PRKCZ: variants seen among roughly 807,000 people sequenced by gnomAD.
PRKCZ encodes protein kinase C zeta, also known as protein kinase C zeta type.
PRKCZ carries 33 observed loss-of-function variants against 79.5 expected under a neutral mutation model. The observed-to-expected ratio is 0.41, with a 90% confidence interval of 0.31 to 0.55. PRKCZ has a LOEUF of 0.55. Among genes scored for constraint, PRKCZ ranks in the 20% least tolerant of loss-of-function variants. The pLI, the probability that PRKCZ is intolerant of heterozygous loss-of-function variation, is 0.19. For missense variants in PRKCZ, 578 were observed against 813.5 expected, an observed-to-expected ratio of 0.71 and a Z score of 3.52; for synonymous variants, 342 against 320.9, an observed-to-expected ratio of 1.07 and a Z score of -0.70.
At chr1:2,117,571 A>G (rs1670997184) in intron 4 of PRKCZ, among the ~76,000 whole-genome samples, 1 of 152,224 alleles carries the variant, frequency 6.6e-6, no homozygotes, top group African/African-American at 2.4e-5. Context: ...TGATCCTTCC[A>G]AAACAGTATG....
chr1:2,071,437 TG>T, intron 4 of PRKCZ: 1 of 323,820 alleles, frequency 3.1e-6, no homozygotes. Flanking sequence ...CCTCCAGGCC[TG>T]GGTGGGCGGG....
intron 16 of PRKCZ, chr1:2,182,097 C>G (rs1686721884): frequency 3.3e-6 from 1 of 301,736 alleles, no homozygotes; most frequent in South Asian, 2.6e-5. Context: ...CTAGTAGATG[C>G]CACGTTAGTA....
chr1:2,077,183 A>G (rs1263095813), intron 4 of PRKCZ, among the ~76,000 whole-genome samples: 1 of 152,240 alleles, frequency 6.6e-6, no homozygotes, highest in East Asian at 1.9e-4. Flanking sequence ...ACGCTCACGT[A>G]TCGGGCACAC....
At chr1:2,108,925 G>T (rs1265626532) in intron 4 of PRKCZ, among the ~76,000 whole-genome samples, 2 of 152,164 alleles carry the variant, frequency 1.3e-5, no homozygotes, top group Non-Finnish European at 2.9e-5. Flanking sequence ...GGGCTCCAGG[G>T]AGACCCCGTT....
chr1:2,124,842 G>A (rs1673558819), intron 4 of PRKCZ, among the ~76,000 whole-genome samples: 2 of 151,916 alleles, frequency 1.3e-5, no homozygotes, highest in African/African-American at 2.4e-5. Flanking sequence ...CTCTTCTGAC[G>A]CACTTGTCTG....
At chr1:2,087,452 G>A (rs1664720631) in intron 4 of PRKCZ, among the ~76,000 whole-genome samples, 1 of 152,192 alleles carries the variant, frequency 6.6e-6, no homozygotes, top group African/African-American at 2.4e-5. Flanking sequence ...ACAGCTGGCA[G>A]TGCAGCCCCA....
chr1:2,109,570 G>A (rs534567615), intron 4 of PRKCZ, among the ~76,000 whole-genome samples: 4 of 152,354 alleles, frequency 2.6e-5, no homozygotes, highest in South Asian at 2.1e-4. Flanking sequence ...GGCTGTGGGC[G>A]GAGGGGGTCA....
chr1:2,099,256 C>T (rs1427670517), intron 4 of PRKCZ, among the ~76,000 whole-genome samples: 4 of 152,322 alleles, frequency 2.6e-5, no homozygotes, highest in South Asian at 2.1e-4. Flanking sequence ...ATTTTCAGTG[C>T]GATGCAGCTG....
In PRKCZ at chr1:2,082,293, C is replaced by G. The variant is rs1343820989; in HGVS notation, c.334+22702C>G. ...CGTGGCACGATCACACGTGCAGGAG[C>G]TGGGGGCTGCCAGAGCGGCTGTTCA... is the stretch of plus-strand genomic sequence containing the variant. On this transcript the variant is annotated intron_variant, in intron 4 of 17. Transcript: ENST00000378567. The surrounding 1 kb of genome is among the most constrained non-coding windows in gnomAD (Gnocchi z 4.4). The G allele has an allele frequency of 2.3e-6, 1 of 442,468 alleles. No homozygotes were observed. Among genetic ancestry groups the G allele is most frequent in the Non-Finnish European group, 4.5e-6 (1 of 219,978 alleles). The allele number at this position is 442,468 out of a possible 1,614,324, so 27.4% of individuals were successfully genotyped here. A position where few individuals can be genotyped will look rare whatever the true frequency, so the allele number is the denominator to read the frequency against.
chr1:2,126,361 G>A (rs546465568), intron 4 of PRKCZ, among the ~76,000 whole-genome samples: 69 of 152,266 alleles, frequency 4.5e-4, no homozygotes, highest in African/African-American at 1.5e-3. Context: ...GGCAGGTGCC[G>A]CCCACAGGTT....
At chr1:2,156,889 G>T (rs1210088461) in intron 10 of PRKCZ, among the ~76,000 whole-genome samples, 3 of 152,194 alleles carry the variant, frequency 2.0e-5, no homozygotes, top group Non-Finnish European at 4.4e-5. Flanking sequence ...GTTAGTCAGG[G>T]TTCTCCTGAG....
chr1:2,053,730 C>T (rs1053708902), intron 1 of PRKCZ, among the ~76,000 whole-genome samples: 3 of 152,148 alleles, frequency 2.0e-5, no homozygotes, highest in East Asian at 1.9e-4. Context: ...AAGTGATGGC[C>T]GACTCCCACT....
At chr1:2,112,732 C>T (rs1311486347) in intron 4 of PRKCZ, among the ~76,000 whole-genome samples, 1 of 151,640 alleles carries the variant, frequency 6.6e-6, no homozygotes, top group Non-Finnish European at 1.5e-5. Context: ...TCTTGTCGCC[C>T]AGGCTGGAGT....
At chr1:2,131,470 A>G (rs1265144153) in intron 4 of PRKCZ, among the ~76,000 whole-genome samples, 1 of 152,196 alleles carries the variant, frequency 6.6e-6, no homozygotes, top group Non-Finnish European at 1.5e-5. Flanking sequence ...ACCAACCCTT[A>G]AAGTTTAAAA....
intron 10 of PRKCZ, 97 bp from the exon 11 acceptor site, chr1:2,169,421 G>C (rs1340793880): frequency 9.7e-7 from 1 of 1,036,118 alleles, no homozygotes. Flanking sequence ...CCTGCGGGAG[G>C]GTTCGGGCCC....
chr1:2,164,761 G>A (rs892698592), intron 10 of PRKCZ, among the ~76,000 whole-genome samples: 1 of 152,162 alleles, frequency 6.6e-6, no homozygotes, highest in Non-Finnish European at 1.5e-5. Flanking sequence ...ACCTCTTGGC[G>A]GGATCCCTGT....
At chr1:2,056,117 G>A (rs1229400585) in intron 2 of PRKCZ, among the ~76,000 whole-genome samples, 1 of 152,196 alleles carries the variant, frequency 6.6e-6, no homozygotes, top group Admixed American at 6.5e-5. Context: ...GCCCTGCAGG[G>A]CCTGGGTTCT....
intron 4 of PRKCZ, among the ~76,000 whole-genome samples, chr1:2,118,032 C>T (rs182788236): frequency 2.1e-3 from 237 of 111,868 alleles, no homozygotes; most frequent in Admixed American, 3.5e-3. Context: ...CACTCTGTCA[C>T]CCAGGCTGGA....
intron 4 of PRKCZ, among the ~76,000 whole-genome samples, chr1:2,070,435 G>A (rs1661472740): frequency 6.6e-6 from 1 of 152,170 alleles, no homozygotes; most frequent in Admixed American, 6.5e-5. Flanking sequence ...GGTTTGGCCG[G>A]GAGGACACCG....
Sources: allele counts gnomAD v4.1 joint callset (sites outside exome capture counted in the v4.1 genomes callset), GRCh38; gene constraint gnomAD v4.1.1; non-coding constraint Gnocchi (gnomAD v3.1); transcripts MANE v1.5; gene names NCBI Gene and HGNC (gene_info 2026-07-23, HGNC 2026-07-21).